DNASE1: variants seen among roughly 807,000 people sequenced by gnomAD.
DNASE1 encodes the protein deoxyribonuclease-1.
In DNASE1, 40 loss-of-function variants were observed where a neutral mutation model predicts 33.9. The observed-to-expected ratio is 1.18, with a 90% CI of 0.92 to 1.54. The LOEUF (loss-of-function observed/expected upper bound fraction) is 1.54. DNASE1 is among the 40% of genes most tolerant of loss of function. The pLI, the probability that DNASE1 is intolerant of heterozygous loss-of-function variation, is 0.00. For missense variants in DNASE1, 518 were observed against 372.6 expected, an observed-to-expected ratio of 1.39 and a Z score of -3.21; for synonymous variants, 216 against 160.0, an observed-to-expected ratio of 1.35 and a Z score of -2.64.
rs777130394 is a variant in DNASE1 at position 3,664,310 on chromosome 16, T to C, written c.*6357T>C. On this transcript the variant is annotated 3_prime_UTR_variant, in exon 10 of 10. Transcript: ENST00000407479. ...TCTTCTTCATGGCCTCATAGTAGGGTGAGTGCTCTGCCAGGTGACGGTTGG... is the reference window on the plus strand; with the variant it reads ...TCTTCTTCATGGCCTCATAGTAGGGCGAGTGCTCTGCCAGGTGACGGTTGG... 20 of 1,609,876 alleles carry C rather than the reference T, an allele frequency of 1.2e-5. No individual in the cohort carries two copies. The highest frequency in any genetic ancestry group is 1.1e-4 in the South Asian group (10 of 90,598).
At chr16:3,663,464 C>T (rs1435632495) in exon 10 of DNASE1, 2 of 1,614,168 alleles carry the variant, frequency 1.2e-6, no homozygotes, top group South Asian at 1.1e-5. Flanking sequence ...TGTAGTGATC[C>T]ACGACTATGT....
rs1474945081 is a variant in DNASE1, at chr16:3,656,728, T to C, written c.411T>C (p.Ile137=). 2 of 1,611,594 alleles carry C rather than the reference T, an allele frequency of 1.2e-6. No homozygotes were observed. Among genetic ancestry groups the C allele is most frequent in the African/African-American group, 1.3e-5 (1 of 74,820 alleles). The change falls in exon 5 of 9, where the codon ATT becomes ATC. Residue 137 remains isoleucine, a synonymous_variant. Coordinates refer to ENST00000246949, the MANE Select transcript of DNASE1 (RefSeq NM_005223.4). ...ACACCTTCAACCGAGAGCCAGCCAT[T>C]GTCAGGTTCTTCTCCCGGTTCACAG... The part of the protein sequence containing the change: ...GNDTFNREPA[I]VRFFSRFTEV...
chr16:3,657,930 C>T lies in DNASE1; in HGVS notation c.826C>T (p.Pro276Ser). ...QLAQAISDHY[P>S]VEVMLK is the part of the protein sequence containing the mutation. ...GGCCCAAGCCATCAGTGACCACTAT[C>T]CAGTGGAGGTGATGCTGAAGTGAGC... The change falls in exon 9 of 9, where the codon CCA becomes TCA. Residue 276 changes from proline to serine, a missense_variant. Pro to Ser is a moderately conservative substitution (Grantham distance 74). Coordinates refer to ENST00000246949, the MANE Select transcript of DNASE1 (RefSeq NM_005223.4). 1 of 1,613,194 alleles carries T rather than the reference C, an allele frequency of 6.2e-7. No individual in the cohort carries two copies. Among genetic ancestry groups the T allele is most frequent in the Non-Finnish European group, 8.5e-7 (1 of 1,179,188 alleles).
At chr16:3,663,511 C>CA in exon 10 of DNASE1, 1 of 1,614,148 alleles carries the variant, frequency 6.2e-7, no homozygotes, top group Non-Finnish European at 8.5e-7. Context: ...TTGTCAAACT[C>CA]ACGAAGGTGC....
intron 1 of DNASE1, among the ~76,000 whole-genome samples, chr16:3,634,946 T>C (rs1201604417): frequency 6.6e-6 from 1 of 152,102 alleles, no homozygotes; most frequent in East Asian, 1.9e-4. Flanking sequence ...TGACCTGGGC[T>C]TATTCACCCC....
intron 1 of DNASE1, among the ~76,000 whole-genome samples, chr16:3,620,703 G>T (rs2041277252): frequency 6.6e-6 from 1 of 151,576 alleles, no homozygotes; most frequent in South Asian, 2.1e-4. Flanking sequence ...ACCTGTATGT[G>T]TGTGTTTTTA....
chr16:3,658,641 C>G, downstream of DNASE1: 1 of 762,294 alleles, frequency 1.3e-6, no homozygotes, highest in Non-Finnish European at 2.1e-6. Flanking sequence ...CCACTGCACT[C>G]CAGCCTGGCA....
chr16:3,640,667 T>C (rs2042004275), upstream of DNASE1: 1 of 398,290 alleles, frequency 2.5e-6, no homozygotes. Context: ...TAGGTGGTGC[T>C]GGGTGAGCTG....
At chr16:3,653,848 A>G (rs920730682), upstream of DNASE1, 1 of 136,308 alleles carries the variant, frequency 7.3e-6, no homozygotes, top group Non-Finnish European at 1.6e-5. Flanking sequence ...AAAACTGAGC[A>G]TGGTAGCATG....
chr16:3,621,419 A>C (rs977661049), intron 1 of DNASE1, among the ~76,000 whole-genome samples: 4 of 152,084 alleles, frequency 2.6e-5, no homozygotes, highest in African/African-American at 9.7e-5. Context: ...GTACATTGTT[A>C]ATTTTTTTTG....
chr16:3,662,716 C>A (rs749018732), downstream of DNASE1: 3 of 717,632 alleles, frequency 4.2e-6, no homozygotes, highest in South Asian at 4.5e-5. Flanking sequence ...GCGGCACTCC[C>A]GAGCAACACG....
chr16:3,661,937 A>T (rs1162682564), downstream of DNASE1: 1 of 1,536,380 alleles, frequency 6.5e-7, no homozygotes, highest in Admixed American at 2.0e-5. Flanking sequence ...CACCACACAC[A>T]GGATTCTGGG....
intron 1 of DNASE1, among the ~76,000 whole-genome samples, chr16:3,626,945 C>T (rs556984830): frequency 6.7e-4 from 102 of 152,212 alleles, no homozygotes; most frequent in African/African-American, 2.4e-3. Context: ...GATCAAAACT[C>T]ACTGCAGCTT....
chr16:3,658,152 C>G (rs747660715), downstream of DNASE1: 13 of 1,613,988 alleles, frequency 8.1e-6, no homozygotes, highest in Non-Finnish European at 1.7e-6. Flanking sequence ...AGGGCCTTGA[C>G]AAGCAGCTCA....
downstream of DNASE1, chr16:3,658,671 C>T: frequency 2.3e-6 from 2 of 885,036 alleles, no homozygotes; most frequent in Non-Finnish European, 3.3e-6. Flanking sequence ...CACTCCATCT[C>T]AAAAAACAAA....
At chr16:3,650,095 A>G (rs2042287036), upstream of DNASE1, among the ~76,000 whole-genome samples, 1 of 152,176 alleles carries the variant, frequency 6.6e-6, no homozygotes, top group African/African-American at 2.4e-5. Flanking sequence ...TTTTGTTTGT[A>G]AGTAGGTTGT....
intron 1 of DNASE1, among the ~76,000 whole-genome samples, chr16:3,617,412 C>A (rs2041148170): frequency 6.8e-6 from 1 of 146,004 alleles, no homozygotes; most frequent in African/African-American, 2.6e-5. Context: ...CTAGATATGA[C>A]ACTAAAAGCA....
rs186863250 is a variant in DNASE1, at chr16:3,654,894, C to A, written c.-152C>A. On this transcript the variant is annotated 5_prime_UTR_variant, in exon 1 of 9. It adds an upstream start codon to the 5' untranslated region. Coordinates refer to ENST00000246949, the MANE Select transcript of DNASE1 (RefSeq NM_005223.4). Reference sequence around the variant, plus strand: ...GTGCAGGATCCGGAGCCCAGCAGCACTGCCAGGGCCTTGAAGTGCTTCTTC... The same window carrying A: ...GTGCAGGATCCGGAGCCCAGCAGCAATGCCAGGGCCTTGAAGTGCTTCTTC... 1.1e-4 allele frequency: 49 copies of A among 436,596 alleles called. No homozygotes were observed. Among genetic ancestry groups the A allele is most frequent in the Non-Finnish European group, 4.0e-6 (1 of 249,692 alleles). The allele number at this position is 436,596 out of a possible 1,614,324, so 27.0% of individuals were successfully genotyped here. A position where few individuals can be genotyped will look rare whatever the true frequency, so the allele number is the denominator to read the frequency against.
At chr16:3,664,671 A>G in exon 10 of DNASE1, 1 of 551,852 alleles carries the variant, frequency 1.8e-6, no homozygotes, top group East Asian at 3.3e-5. Context: ...CTTAGGAAGC[A>G]CCTCCTGCCC....
Sources: gnomAD v4.1 joint callset for allele counts (sites outside exome capture counted in the v4.1 genomes callset) on GRCh38, gnomAD v4.1.1 for gene constraint, MANE v1.5 for transcripts, NCBI Gene and HGNC (gene_info 2026-07-23, HGNC 2026-07-21) for gene names.